Variants in UBE3C observed in about 807,000 individuals in gnomAD.
UBE3C encodes ubiquitin-protein ligase E3C.
UBE3C carries 42 observed loss-of-function variants against 129.4 expected under a neutral mutation model. The observed-to-expected ratio is 0.32, with a 90% CI of 0.25 to 0.42. The LOEUF (loss-of-function observed/expected upper bound fraction) is 0.42, where lower values mean the gene tolerates loss of function less well. Ranked by LOEUF, UBE3C falls within the 10% of genes least tolerant of loss-of-function variation. The pLI, the probability that UBE3C is intolerant of heterozygous loss-of-function variation, is 1.00. For missense variants in UBE3C, 1,049 were observed against 1,319.1 expected, an observed-to-expected ratio of 0.80 and a Z score of 3.17; for synonymous variants, 510 against 492.4, an observed-to-expected ratio of 1.04 and a Z score of -0.47.
chr7:157,194,917 G>A (rs1355643425), intron 10 of UBE3C, among the ~76,000 whole-genome samples: 1 of 152,186 alleles, frequency 6.6e-6, no homozygotes, highest in Non-Finnish European at 1.5e-5. Flanking sequence ...AAATATGGAA[G>A]GAGGTAGATA....
chr7:157,140,215 C>T (rs1437730533), intron 1 of UBE3C, among the ~76,000 whole-genome samples: 4 of 151,608 alleles, frequency 2.6e-5, no homozygotes, highest in African/African-American at 9.7e-5. Flanking sequence ...AATGCTTCAC[C>T]TAGTTTTTCT....
At chr7:157,230,492 C>T (rs1234197743) in intron 17 of UBE3C, among the ~76,000 whole-genome samples, 7 of 151,342 alleles carry the variant, frequency 4.6e-5, no homozygotes, top group African/African-American at 1.5e-4. Flanking sequence ...GTCAGGAGTT[C>T]GAGACCAGCC....
chr7:157,229,521 TAGTC>T (rs978183893), intron 17 of UBE3C, among the ~76,000 whole-genome samples: 24 of 152,236 alleles, frequency 1.6e-4, no homozygotes, highest in South Asian at 1.2e-3. Context: ...TTCACCATGT[TAGTC>T]AGGCTGGTCT....
At chr7:157,173,435 C>T (rs1318423447) in intron 4 of UBE3C, among the ~76,000 whole-genome samples, 1 of 152,178 alleles carries the variant, frequency 6.6e-6, no homozygotes, top group East Asian at 1.9e-4. Context: ...GTCTCCTGCC[C>T]CAGTCTTCAC....
chr7:157,186,971 C>T lies in UBE3C; in HGVS notation c.1281C>T (p.Ser427=), dbSNP rs551689646. 21 of 1,612,612 alleles carry T rather than the reference C, an allele frequency of 1.3e-5. No individual in the cohort carries two copies. The Middle Eastern group carries it at 5.0e-4, about 38-fold the overall frequency. ...AGGAGGTCTTCACCACCATGGCCTC[C>T]GTCTGCCACACGCTGATGGTGCAGC... ...ASEEVFTTMA[S]VCHTLMVQHR... is the part of the protein sequence containing the mutation. The change falls in exon 10 of 23, where the codon TCC becomes TCT. Residue 427 remains serine (S), a synonymous_variant. Coordinates refer to ENST00000348165, the MANE Select transcript of UBE3C (RefSeq NM_014671.3).
intron 15 of UBE3C, chr7:157,223,006 G>A (rs764439186): frequency 8.5e-5 from 34 of 398,174 alleles, no homozygotes; most frequent in Non-Finnish European, 1.3e-4. Context: ...GACAGCTGGA[G>A]TGGAAGTGTA....
At chr7:157,158,666 G>A (rs895064679) in intron 1 of UBE3C, among the ~76,000 whole-genome samples, 4 of 152,158 alleles carry the variant, frequency 2.6e-5, no homozygotes, top group African/African-American at 9.7e-5. Context: ...GACAAACTTG[G>A]TTCTGTTCAC....
rs1554431141 is a variant in UBE3C, at chr7:157,211,193, A to AGC, written c.1809+3259_1809+3260dup. Among the ~76,000 whole-genome samples the AGC allele has an allele frequency of 1.1e-4, 17 of 151,492 alleles. 1 individual carries two copies. The highest frequency in any genetic ancestry group is 3.9e-4 in the African/African-American group (16 of 41,096). On this transcript the variant is annotated intron_variant, in intron 13 of 22. Coordinates refer to ENST00000348165, the MANE Select transcript of UBE3C (RefSeq NM_014671.3). ...GAGAGAGAGAGAGAGAGAGAGAGAGAGCCATACTATGAGTGATTTTTTTAC... is the reference window on the plus strand; with the variant it reads ...GAGAGAGAGAGAGAGAGAGAGAGAGAGCGCCATACTATGAGTGATTTTTTTAC...
intron 6 of UBE3C, among the ~76,000 whole-genome samples, chr7:157,181,190 A>T (rs181418137): frequency 1.3e-5 from 2 of 152,354 alleles, no homozygotes; most frequent in East Asian, 3.9e-4. Flanking sequence ...TGTGATGTTA[A>T]GGAACTACTC....
chr7:157,173,882 G>A (rs1487782790), intron 4 of UBE3C, among the ~76,000 whole-genome samples: 2 of 152,120 alleles, frequency 1.3e-5, no homozygotes, highest in African/African-American at 2.4e-5. Context: ...ACTAATATTC[G>A]GAGTAGTTCA....
chr7:157,256,996 G>A lies in UBE3C; in HGVS notation c.3033G>A (p.Leu1011=). Residue 1011 remains leucine (L), a synonymous_variant, in exon 22 of 23, where the codon CTG becomes CTA. Coordinates refer to ENST00000348165, the MANE Select transcript of UBE3C (RefSeq NM_014671.3). ...TCACTGATGAAGAAAAGCGCAAACT[G>A]CTGAAGTTTGTAACAAGCTGCTCTC... The part of the protein sequence containing the change: ...EGFTDEEKRK[L]LKFVTSCSRP... 1 of 1,614,194 alleles carries A rather than the reference G, an allele frequency of 6.2e-7. No homozygotes were observed. The highest frequency in any genetic ancestry group is 1.3e-5 in the African/African-American group (1 of 75,034).
At chr7:157,148,801 A>G (rs1807677550) in intron 1 of UBE3C, among the ~76,000 whole-genome samples, 1 of 123,828 alleles carries the variant, frequency 8.1e-6, no homozygotes, top group South Asian at 2.5e-4. Context: ...TGCAGTAGCT[A>G]TTCACAGGCA....
At chr7:157,184,599 G>C (rs942631364) in intron 9 of UBE3C, among the ~76,000 whole-genome samples, 1 of 152,106 alleles carries the variant, frequency 6.6e-6, no homozygotes, top group Non-Finnish European at 1.5e-5. Context: ...AATTGAAATG[G>C]CTTGAGGTAT....
At chr7:157,172,370 TTATCTG>T (rs1808401648) in intron 4 of UBE3C, among the ~76,000 whole-genome samples, 1 of 152,124 alleles carries the variant, frequency 6.6e-6, no homozygotes, top group African/African-American at 2.4e-5. Flanking sequence ...AAATTTTTGT[TTATCTG>T]TGTTAAAAAT....
chr7:157,163,167 G>C (rs1312517674), intron 1 of UBE3C, among the ~76,000 whole-genome samples: 2 of 151,712 alleles, frequency 1.3e-5, no homozygotes, highest in Non-Finnish European at 2.9e-5. Flanking sequence ...GGGTGGATCA[G>C]GAGGTCAGGA....
intron 18 of UBE3C, among the ~76,000 whole-genome samples, chr7:157,232,099 C>G (rs889512247): frequency 4.6e-5 from 7 of 152,102 alleles, no homozygotes; most frequent in African/African-American, 1.7e-4. Flanking sequence ...TCATTTTGAT[C>G]TCTGCCTCTG....
At chr7:157,252,107 G>T (rs780585519) in intron 19 of UBE3C, among the ~76,000 whole-genome samples, 1 of 152,068 alleles carries the variant, frequency 6.6e-6, no homozygotes, top group Non-Finnish European at 1.5e-5. Flanking sequence ...CTGCACTCCA[G>T]TGTGGGTGAC....
rs1399693758 is a variant in UBE3C at position 157,225,471 on chromosome 7, G to T, written c.2165G>T (p.Gly722Val). 9 of 1,604,090 alleles carry T rather than the reference G, an allele frequency of 5.6e-6. No individual in the cohort carries two copies. Among genetic ancestry groups the T allele is most frequent in the Non-Finnish European group, 6.8e-6 (8 of 1,177,630 alleles). ...EVQGDGPFLD[G>V]INVTIRRNYI... ...CAAGGAGATGGTCCATTTCTGGATG[G>T]AATTAATGTCACAATAAGAAGAAAT... Residue 722 changes from glycine to valine, a missense_variant, in exon 17 of 23, where the codon GGA (glycine) becomes GTA (valine). Physicochemically the swap from Gly to Val is moderately radical, Grantham distance 109 (BLOSUM62 -3). Around this residue, in one of 4 missense-constraint regions of UBE3C, gnomAD observed 314 missense variants for 416.9 expected, o/e 0.75. Transcript: ENST00000348165.
At chr7:157,265,596 T>G (rs930871298) in intron 22 of UBE3C, among the ~76,000 whole-genome samples, 5 of 152,180 alleles carry the variant, frequency 3.3e-5, no homozygotes, top group Non-Finnish European at 2.9e-5. Context: ...GCCGCGCGTG[T>G]GCATGGAACA....
Sources: allele counts gnomAD v4.1 joint callset (sites outside exome capture counted in the v4.1 genomes callset), GRCh38; gene constraint gnomAD v4.1.1; regional missense constraint gnomAD v4.1.1; transcripts MANE v1.5; gene names NCBI Gene and HGNC (gene_info 2026-07-23, HGNC 2026-07-21).